The following RUBCN variants were observed in gnomAD, a reference collection of about 807,000 sequenced individuals.
RUBCN encodes run domain Beclin-1-interacting and cysteine-rich domain-containing protein.
A neutral mutation model predicts 113.2 loss-of-function variants in RUBCN; 74 were observed. That is an observed-to-expected ratio of 0.65 (90% confidence interval 0.54 to 0.79). RUBCN has a LOEUF of 0.79. RUBCN is among the 30% of genes least tolerant of loss of function. The probability of loss-of-function intolerance (pLI) is 0.00; values close to 1 mark genes in which losing one functional copy is unlikely to be tolerated. For synonymous variants in RUBCN, 480 were observed against 490.0 expected (o/e 0.98, Z 0.27); for missense variants, 1,109 against 1,251.7 (o/e 0.89, Z 1.72).
rs537509579 is a variant in RUBCN, at chr3:197,670,014, G to C, written c.*5004C>G. Among the ~76,000 whole-genome samples, 1 of 152,122 alleles carries C rather than the reference G, an allele frequency of 6.6e-6. No homozygotes were observed. Among genetic ancestry groups the C allele is most frequent in the African/African-American group, 2.4e-5 (1 of 41,412 alleles). ...AGCAATTCTCCTGTCTCAACCTCGC[G>C]AGTAGCTGGGATTACAGGCGCCCGC... On this transcript the variant is annotated 3_prime_UTR_variant, in exon 20 of 20. Transcript: ENST00000296343.
chr3:197,682,377 G>C, intron 14 of RUBCN, 93 bp downstream of exon 14: 2 of 1,454,160 alleles, frequency 1.4e-6, no homozygotes, highest in Non-Finnish European at 1.9e-6. Context: ...GGGAAGGACA[G>C]CTGGAGGCAG....
At chr3:197,729,535 G>A (rs1442154032) in intron 1 of RUBCN, among the ~76,000 whole-genome samples, 1 of 151,892 alleles carries the variant, frequency 6.6e-6, no homozygotes, top group Non-Finnish European at 1.5e-5. Flanking sequence ...TTACAGGCGT[G>A]AGCCACCGCG....
At chr3:197,742,814 C>T (rs1165555351) in intron 1 of RUBCN, among the ~76,000 whole-genome samples, 1 of 152,246 alleles carries the variant, frequency 6.6e-6, no homozygotes, top group Non-Finnish European at 1.5e-5. Flanking sequence ...ACTACAAATC[C>T]ATCCAGTACA....
In RUBCN at chr3:197,714,540, C is replaced by T. The variant is rs189006781; in HGVS notation, c.219+3437G>A. On this transcript the variant is annotated intron_variant, in intron 2 of 19. Transcript: ENST00000296343. Reference sequence around the variant, plus strand: ...ATCTTGCTGTGTTGCCCAGGCTGGTCTTGTATTCCTGGCCTCAAATTTCTA... The same window carrying T: ...ATCTTGCTGTGTTGCCCAGGCTGGTTTTGTATTCCTGGCCTCAAATTTCTA... 7.2e-4 allele frequency among the ~76,000 whole-genome samples: 109 copies of T among 152,290 alleles called. No homozygotes were observed. The East Asian group carries it at 0.019, about 27-fold the overall frequency.
In RUBCN at chr3:197,669,974, C is replaced by T. The variant is rs1043129617; in HGVS notation, c.*5044G>A. On this transcript the variant is annotated 3_prime_UTR_variant, in exon 20 of 20. Coordinates refer to ENST00000296343, the MANE Select transcript of RUBCN (RefSeq NM_014687.4). ...CGTGATCTCGGCTCACTGCAACCTCCGCCACCCGGGTTCAAGCAATTCTCC... is the reference window on the plus strand; with the variant it reads ...CGTGATCTCGGCTCACTGCAACCTCTGCCACCCGGGTTCAAGCAATTCTCC... Among the ~76,000 whole-genome samples, 33 of 152,220 alleles carry T rather than the reference C, an allele frequency of 2.2e-4. No homozygotes were observed. Among genetic ancestry groups the T allele is most frequent in the African/African-American group, 7.0e-4 (29 of 41,530 alleles).
intron 11 of RUBCN, among the ~76,000 whole-genome samples, chr3:197,692,991 A>G (rs1442390481): frequency 1.3e-5 from 2 of 152,258 alleles, no homozygotes; most frequent in African/African-American, 4.8e-5. Flanking sequence ...CATTCACTTC[A>G]GTAAGGAAAC....
At chr3:197,749,550 C>G (rs1728915037) in exon 1 of RUBCN, 1 of 1,291,188 alleles carries the variant, frequency 7.7e-7, no homozygotes, top group Admixed American at 2.3e-5. Flanking sequence ...TTGCGGTGGG[C>G]GCGAAAGGCT....
chr3:197,704,946 C>T, intron 3 of RUBCN, 146 bp downstream of exon 3: 1 of 769,426 alleles, frequency 1.3e-6, no homozygotes, highest in South Asian at 1.5e-5. Flanking sequence ...AAAGTCAGTC[C>T]CTACAGGGAT....
At chr3:197,691,172 G>A in intron 11 of RUBCN, 1 of 1,155,230 alleles carries the variant, frequency 8.7e-7, no homozygotes, top group South Asian at 1.3e-5. Context: ...ATGATAAAAG[G>A]GGGCCCTTAG....
upstream of RUBCN, among the ~76,000 whole-genome samples, chr3:197,737,925 G>T (rs1432991073): frequency 6.6e-6 from 1 of 152,162 alleles, no homozygotes; most frequent in African/African-American, 2.4e-5. Flanking sequence ...GTCTCTCTCT[G>T]TCGCCCAGGC....
Position 197,681,515 on chromosome 3 carries a change from T to C in RUBCN, c.2192-148A>G. ...CTGAGTTCCCCAAAGCTTGCAGAAA[T>C]CCACATAGTGGATCCTGGGGTGATA... On this transcript the variant is annotated intron_variant, in intron 15 of 19. Transcript: ENST00000296343. This position sits in a 1 kb window ranked among gnomAD's most constrained non-coding sequence, Gnocchi z 5.5. The C allele has an allele frequency of 2.8e-6, 2 of 710,616 alleles. No individual in the cohort carries two copies. Among genetic ancestry groups the C allele is most frequent in the South Asian group, 3.1e-5 (2 of 65,046 alleles). 44.0% of individuals were successfully genotyped at this position (710,616 alleles called of 1,614,324 possible).
intron 2 of RUBCN, among the ~76,000 whole-genome samples, chr3:197,714,554 C>T (rs1304437412): frequency 6.6e-6 from 1 of 152,162 alleles, no homozygotes; most frequent in Non-Finnish European, 1.5e-5. Context: ...TATTCCTGGC[C>T]TCAAATTTCT....
upstream of RUBCN, chr3:197,736,988 A>G: frequency 8.3e-7 from 1 of 1,200,450 alleles, no homozygotes; most frequent in Non-Finnish European, 1.0e-6. Flanking sequence ...CTCCAATCCC[A>G]GGCCGCGCTC....
intron 2 of RUBCN, among the ~76,000 whole-genome samples, chr3:197,713,233 A>G (rs1025683594): frequency 4.6e-5 from 7 of 152,220 alleles, no homozygotes; most frequent in African/African-American, 1.7e-4. Flanking sequence ...CTTTCATTTG[A>G]GATTCTCATT....
At chr3:197,736,984 T>G, upstream of RUBCN, 3 of 1,211,122 alleles carry the variant, frequency 2.5e-6, no homozygotes, top group Non-Finnish European at 3.1e-6. Context: ...CGTCCTCCAA[T>G]CCCAGGCCGC....
In RUBCN at chr3:197,683,961, G is replaced by A. The variant is rs956415813; in HGVS notation, c.1847+196C>T. On this transcript the variant is annotated intron_variant, in intron 12 of 19. Coordinates refer to ENST00000296343, the MANE Select transcript of RUBCN (RefSeq NM_014687.4). This position sits in a 1 kb window ranked among gnomAD's most constrained non-coding sequence, Gnocchi z 4.6. Reference sequence around the variant, plus strand: ...AACTCACTTCCAGCTTTGCCTCCACGAGAGCCCATCCCACTGGGACCAAAG... The same window carrying A: ...AACTCACTTCCAGCTTTGCCTCCACAAGAGCCCATCCCACTGGGACCAAAG... Among the ~76,000 whole-genome samples, 8 of 152,020 alleles carry A rather than the reference G, an allele frequency of 5.3e-5. No homozygotes were observed. The highest frequency in any genetic ancestry group is 1.7e-4 in the African/African-American group (7 of 41,362).
At chr3:197,727,871 G>GT in intron 1 of RUBCN, among the ~76,000 whole-genome samples, 1 of 152,360 alleles carries the variant, frequency 6.6e-6, no homozygotes, top group Non-Finnish European at 1.5e-5. Flanking sequence ...TACAAACAAG[G>GT]TAAAGCAGGC....
rs73087563 is a variant in RUBCN at position 197,697,704 on chromosome 3, G to T, written c.1262-655C>A. Reference sequence around the variant, plus strand: ...GGGAGGGAGAACAGTAGCAGGCAGGGTTTGCAGGAATGAGAAACTGATATT... The same window carrying T: ...GGGAGGGAGAACAGTAGCAGGCAGGTTTTGCAGGAATGAGAAACTGATATT... On this transcript the variant is annotated intron_variant, in intron 7 of 19. Transcript: ENST00000296343. 8.4e-3 allele frequency among the ~76,000 whole-genome samples: 1,282 copies of T among 152,298 alleles called. 8 individuals are homozygous for T. Among genetic ancestry groups the T allele is most frequent in the Middle Eastern group, 0.014 (4 of 294 alleles).
At chr3:197,736,621 C>T (rs772871584) in intron 1 of RUBCN, 34 bp downstream of exon 1, 3 of 1,531,222 alleles carry the variant, frequency 2.0e-6, no homozygotes, top group Non-Finnish European at 2.6e-6. Flanking sequence ...CGGCGCCTGT[C>T]GCTGCCCCGA....
Sources: allele counts gnomAD v4.1 joint callset (sites outside exome capture counted in the v4.1 genomes callset), GRCh38; gene constraint gnomAD v4.1.1; non-coding constraint Gnocchi (gnomAD v3.1); transcripts MANE v1.5; gene names NCBI Gene and HGNC (gene_info 2026-07-23, HGNC 2026-07-21).